SLC6A2: variants seen among roughly 807,000 people sequenced by gnomAD.
SLC6A2 encodes solute carrier family 6 member 2.
A neutral mutation model predicts 71.7 loss-of-function variants in SLC6A2; 26 were observed. The ratio of observed to expected loss-of-function variants is 0.36; its 90% CI spans 0.27 to 0.50. SLC6A2 has a LOEUF of 0.50. SLC6A2 is among the 20% of genes least tolerant of loss of function. The pLI is 0.96. For synonymous variants in SLC6A2, 363 were observed against 337.9 expected (o/e 1.07, Z -0.82); for missense variants, 581 against 803.9 (o/e 0.72, Z 3.35).
rs753409764 is a variant in SLC6A2, at chr16:55,702,397, G to C, written c.*51G>C. 6.2e-7 allele frequency: 1 copy of C among 1,614,084 alleles called. No individual in the cohort carries two copies. The highest frequency in any genetic ancestry group is 2.2e-5 in the East Asian group (1 of 44,852). On this transcript the variant is annotated 3_prime_UTR_variant, in exon 15 of 15. Coordinates refer to ENST00000568943, the MANE Select transcript of SLC6A2 (RefSeq NM_001172501.3). Reference sequence around the variant, plus strand: ...CCCCATGCCAATGTCCAGGTCACAGGCATCCGCTGCGCTCCCACCTCGGAC... The same window carrying C: ...CCCCATGCCAATGTCCAGGTCACAGCCATCCGCTGCGCTCCCACCTCGGAC...
chr16:55,661,417 G>C (rs995837127), intron 2 of SLC6A2, among the ~76,000 whole-genome samples: 2 of 152,196 alleles, frequency 1.3e-5, no homozygotes, highest in African/African-American at 4.8e-5. Context: ...AATAACCACA[G>C]CACCTTCTTG....
chr16:55,684,727 G>C (rs1024942839), intron 4 of SLC6A2, among the ~76,000 whole-genome samples: 17 of 152,174 alleles, frequency 1.1e-4, no homozygotes, highest in African/African-American at 4.1e-4. Context: ...AAACATCTCA[G>C]ATATTGCCAA....
At chr16:55,670,322 G>A (rs1040243685) in intron 3 of SLC6A2, among the ~76,000 whole-genome samples, 14 of 152,134 alleles carry the variant, frequency 9.2e-5, no homozygotes, top group East Asian at 1.9e-4. Flanking sequence ...CCTCTTCTCC[G>A]CTGGCACGTG....
At chr16:55,669,989 C>T (rs1964860197) in intron 3 of SLC6A2, among the ~76,000 whole-genome samples, 1 of 152,130 alleles carries the variant, frequency 6.6e-6, no homozygotes, top group Admixed American at 6.5e-5. Context: ...TCAGAAGTAC[C>T]CAGCACATAC....
At chr16:55,671,749 A>C (rs1353922865) in intron 3 of SLC6A2, 189 bp from the exon 4 acceptor site, 5 of 1,281,676 alleles carry the variant, frequency 3.9e-6, no homozygotes, top group Non-Finnish European at 5.2e-6. Context: ...AACTACCCCC[A>C]CCCCAAAATC....
At chr16:55,696,568 A>G (rs1965806300) in intron 9 of SLC6A2, among the ~76,000 whole-genome samples, 2 of 152,268 alleles carry the variant, frequency 1.3e-5, no homozygotes, top group African/African-American at 4.8e-5. Flanking sequence ...GAAATCCAAA[A>G]GAAGAGGCTT....
intron 11 of SLC6A2, 93 bp downstream of exon 11, chr16:55,698,661 C>T (rs1283498807): frequency 1.2e-6 from 1 of 868,816 alleles, no homozygotes. Flanking sequence ...CCAGGACAGC[C>T]ACCTAAAATT....
Position 55,656,759 on chromosome 16 carries a change from A to G in SLC6A2, c.65A>G (p.Glu22Gly). The G allele has an allele frequency of 1.9e-6, 3 of 1,613,136 alleles. No homozygotes were observed. The South Asian group carries it at 3.3e-5, about 18-fold the overall frequency. ...AACAACGGGGCGGACACGGGTCCAG[A>G]GCAGCCCCTTCGGGCGCGCAAAACT... Reference protein sequence around the residue: ...PENNGADTGPEQPLRARKTAE... With the variant: ...PENNGADTGPGQPLRARKTAE... Residue 22 changes from glutamate to glycine, a missense_variant, in exon 2 of 15, where the codon GAG becomes GGG. Around this residue, in one of 5 missense-constraint regions of SLC6A2, gnomAD observed 76 missense variants for 79.9 expected, o/e 0.95. Transcript: ENST00000568943. The surrounding 1 kb of genome is among the most constrained non-coding windows in gnomAD (Gnocchi z 4.5).
chr16:55,676,950 G>T (rs571994822), intron 4 of SLC6A2, among the ~76,000 whole-genome samples: 69 of 152,304 alleles, frequency 4.5e-4, no homozygotes, highest in African/African-American at 1.5e-3. Context: ...TGGATGCCTG[G>T]ATTCTACATC....
intron 7 of SLC6A2, among the ~76,000 whole-genome samples, chr16:55,694,324 T>A (rs1233900991): frequency 6.6e-6 from 1 of 152,058 alleles, no homozygotes; most frequent in Non-Finnish European, 1.5e-5. Flanking sequence ...TAAACAAATG[T>A]GAGGTGTGGA....
intron 4 of SLC6A2, among the ~76,000 whole-genome samples, chr16:55,674,222 G>A (rs1270196099): frequency 6.6e-6 from 1 of 151,748 alleles, no homozygotes; most frequent in African/African-American, 2.4e-5. Context: ...ATTGTCTACT[G>A]TTCCTTTCTT....
chr16:55,658,999 G>A (rs1031693904), intron 2 of SLC6A2, among the ~76,000 whole-genome samples: 1 of 152,208 alleles, frequency 6.6e-6, no homozygotes, highest in African/African-American at 2.4e-5. Flanking sequence ...GGGAGATGAT[G>A]AATGAGAGAC....
chr16:55,671,528 G>C lies in SLC6A2; in HGVS notation c.407-410G>C, dbSNP rs576312877. 13 of 372,018 alleles carry C rather than the reference G, an allele frequency of 3.5e-5. No homozygotes were observed. The South Asian group carries it at 7.8e-4, about 22-fold the overall frequency. The allele number at this position is 372,018 out of a possible 1,614,324, so 23.0% of individuals were successfully genotyped here. A position where few individuals can be genotyped will look rare whatever the true frequency, so the allele number is the denominator to read the frequency against. The stretch of plus-strand genomic sequence containing the variant: ...GCCACACAGCAGGAGGTGAGCAGCG[G>C]GTAAGTGAAGCTTCATCTGTATTTA... On this transcript the variant is annotated intron_variant, in intron 3 of 14. Coordinates refer to ENST00000568943, the MANE Select transcript of SLC6A2 (RefSeq NM_001172501.3).
At chr16:55,700,820 T>G (rs1428047977) in intron 13 of SLC6A2, among the ~76,000 whole-genome samples, 2 of 152,212 alleles carry the variant, frequency 1.3e-5, no homozygotes, top group Non-Finnish European at 2.9e-5. Context: ...TATGTCAATA[T>G]TTATACATAT....
chr16:55,661,251 T>G (rs1964601827), intron 2 of SLC6A2, among the ~76,000 whole-genome samples: 1 of 152,232 alleles, frequency 6.6e-6, no homozygotes. Flanking sequence ...TGCTTCTGTT[T>G]GAGTCCTGTC....
At chr16:55,661,000 G>A (rs1195804995) in intron 2 of SLC6A2, among the ~76,000 whole-genome samples, 3 of 152,338 alleles carry the variant, frequency 2.0e-5, no homozygotes, top group African/African-American at 4.8e-5. Context: ...GGATGCACGG[G>A]CTGCAGGAGG....
At chr16:55,689,567 G>A (rs1323044703) in intron 5 of SLC6A2, among the ~76,000 whole-genome samples, 1 of 152,216 alleles carries the variant, frequency 6.6e-6, no homozygotes, top group African/African-American at 2.4e-5. Flanking sequence ...CATTGCAGCA[G>A]GGCTGCAGCT....
chr16:55,685,043 C>A (rs1256501160), intron 4 of SLC6A2, 100 bp from the exon 5 acceptor site: 3 of 1,191,838 alleles, frequency 2.5e-6, no homozygotes, highest in Admixed American at 1.8e-5. Flanking sequence ...CAGGTCCTGT[C>A]TCCATCAGCA....
At chr16:55,665,797 A>G (rs568602341) in intron 2 of SLC6A2, among the ~76,000 whole-genome samples, 39 of 152,336 alleles carry the variant, frequency 2.6e-4, no homozygotes, top group African/African-American at 9.1e-4. Context: ...GCATTTGCAC[A>G]GAGGCTTCCA....
Sources: gnomAD v4.1 joint callset for allele counts (sites outside exome capture counted in the v4.1 genomes callset) on GRCh38, gnomAD v4.1.1 for gene constraint, gnomAD v4.1.1 regional missense constraint, Gnocchi (gnomAD v3.1) non-coding constraint, MANE v1.5 for transcripts, NCBI Gene and HGNC (gene_info 2026-07-23, HGNC 2026-07-21) for gene names.